Variants in DPYSL2 observed in about 807,000 individuals in gnomAD.
The protein encoded by DPYSL2 is dihydropyrimidinase-related protein 2.
In DPYSL2, 13 loss-of-function variants were observed where a neutral mutation model predicts 69.9. That is an observed-to-expected ratio of 0.19 (90% CI 0.12 to 0.30). The LOEUF (loss-of-function observed/expected upper bound fraction) is 0.30, where lower values mean the gene tolerates loss of function less well. DPYSL2 is among the 10% of genes least tolerant of loss of function. The pLI is 1.00. For synonymous variants in DPYSL2, 326 were observed against 359.1 expected, an observed-to-expected ratio of 0.91 and a Z score of 1.04; for missense variants, 587 against 918.9, an observed-to-expected ratio of 0.64 and a Z score of 4.67.
At position 26,514,678 on chromosome 8, in the gene DPYSL2, A is replaced by G. The variant is rs1585482464; in HGVS notation, c.353A>G (p.Gln118Arg). 8.7e-7 allele frequency: 1 copy of G among 1,143,402 alleles called. No individual in the cohort carries two copies. Among genetic ancestry groups the G allele is most frequent in the Non-Finnish European group, 1.1e-6 (1 of 902,778 alleles). 70.8% of individuals were successfully genotyped at this position (1,143,402 alleles called of 1,614,324 possible). ...GAAGCCCTGCAGAACATCAACGACC[A>G]GGTCGGTGTGGGGGTTGGGGGTGGA... ...GKEALQNINDQSDRLLIKGGK... is the reference protein window; with the variant it reads ...GKEALQNINDRSDRLLIKGGK... Residue 118 changes from glutamine to arginine, a missense_variant and splice_region_variant, in exon 1 of 14, where the codon CAG becomes CGG. This residue lies in a region of DPYSL2 where 85 missense variants were observed against 77.7 expected (regional missense o/e 1.09). Coordinates refer to ENST00000521913, the MANE Select transcript of DPYSL2 (RefSeq NM_001197293.3). This position sits in a 1 kb window ranked among gnomAD's most constrained non-coding sequence, Gnocchi z 8.4.
At position 26,600,512 on chromosome 8, in the gene DPYSL2, C is replaced by G. The variant is rs141126989; in HGVS notation, c.628+16529C>G. Reference sequence around the variant, plus strand: ...TGCGAGTGGGTGTTAGGTGCTGTGTCATTGTGGCTTTAATTTTAGGCTTTA... The same window carrying G: ...TGCGAGTGGGTGTTAGGTGCTGTGTGATTGTGGCTTTAATTTTAGGCTTTA... On this transcript the variant is annotated intron_variant, in intron 3 of 13. Coordinates refer to ENST00000521913, the MANE Select transcript of DPYSL2 (RefSeq NM_001197293.3). Among the ~76,000 whole-genome samples the G allele has an allele frequency of 2.3e-4, 35 of 152,262 alleles. No individual in the cohort carries two copies. The East Asian group carries it at 5.0e-3, about 22-fold the overall frequency.
chr8:26,625,592 C>G (rs1486540220), intron 4 of DPYSL2, among the ~76,000 whole-genome samples: 1 of 152,116 alleles, frequency 6.6e-6, no homozygotes, highest in Non-Finnish European at 1.5e-5. Context: ...CCTAGGGAGG[C>G]AAGAACTCCA....
intron 3 of DPYSL2, among the ~76,000 whole-genome samples, chr8:26,604,657 C>CTT (rs372310488): frequency 2.1e-5 from 3 of 145,672 alleles, no homozygotes; most frequent in Non-Finnish European, 3.0e-5. Flanking sequence ...TCAAGTCTTG[C>CTT]TTTTTTTTTT....
intron 1 of DPYSL2, among the ~76,000 whole-genome samples, chr8:26,555,942 A>G (rs986846392): frequency 4.7e-5 from 6 of 128,648 alleles, no homozygotes; most frequent in Admixed American, 1.0e-4. Context: ...CATATACTAT[A>G]TATACATATA....
intron 1 of DPYSL2, among the ~76,000 whole-genome samples, chr8:26,567,969 G>A (rs944978428): frequency 1.3e-5 from 2 of 152,256 alleles, no homozygotes; most frequent in South Asian, 2.1e-4. Flanking sequence ...CCTGAGCCCC[G>A]AGGGACATAT....
At chr8:26,524,939 G>C (rs1397165013) in intron 1 of DPYSL2, among the ~76,000 whole-genome samples, 1 of 148,298 alleles carries the variant, frequency 6.7e-6, no homozygotes, top group Non-Finnish European at 1.5e-5. Flanking sequence ...CCTATTGTTT[G>C]ACGGTTTTCC....
rs1803101895 is a variant in DPYSL2, at chr8:26,643,670, ACATGGTGGC to A, written c.1283+78_1283+86del. 3.6e-5 allele frequency: 58 copies of A among 1,601,316 alleles called. No individual in the cohort carries two copies. The South Asian group carries it at 6.4e-4, about 18-fold the overall frequency. ...CAGACTGACCTGTTAGGCGAAAACAACATGGTGGCCAAGAGCAGCCATAAAACTGGGAGA... is the reference window on the plus strand; with the variant it reads ...CAGACTGACCTGTTAGGCGAAAACAACAAGAGCAGCCATAAAACTGGGAGA... On this transcript the variant is annotated intron_variant, in intron 9 of 13. Transcript: ENST00000521913. This position sits in a 1 kb window ranked among gnomAD's most constrained non-coding sequence, Gnocchi z 6.5.
intron 3 of DPYSL2, among the ~76,000 whole-genome samples, chr8:26,599,222 G>C (rs1444161751): frequency 6.6e-6 from 1 of 152,164 alleles, no homozygotes; most frequent in African/African-American, 2.4e-5. Flanking sequence ...TTTTGTCTTG[G>C]TTCTGAGAGA....
rs750688878 is a variant in DPYSL2, at chr8:26,626,644, C to G, written c.821C>G (p.Ala274Gly). The G allele has an allele frequency of 6.2e-7, 1 of 1,614,190 alleles. No individual in the cohort carries two copies. The highest frequency in any genetic ancestry group is 2.2e-5 in the East Asian group (1 of 44,890). The change falls in exon 5 of 14, where the codon GCT becomes GGT. Residue 274 changes from alanine to glycine, a missense_variant. Physicochemically the swap from Ala to Gly is moderately conservative, Grantham distance 60. Transcript: ENST00000521913. This position sits in a 1 kb window ranked among gnomAD's most constrained non-coding sequence, Gnocchi z 4.3. ...GTAAATTCCTTCCTCGTGTACATGGCTTTCAAAGATCGCTTCCAGCTAACG... is the reference window on the plus strand; with the variant it reads ...GTAAATTCCTTCCTCGTGTACATGGGTTTCAAAGATCGCTTCCAGCTAACG... ...HGVNSFLVYM[A>G]FKDRFQLTDC...
chr8:26,543,436 TG>T (rs1298371885), intron 1 of DPYSL2, among the ~76,000 whole-genome samples: 1 of 152,162 alleles, frequency 6.6e-6, no homozygotes, highest in Non-Finnish European at 1.5e-5. Context: ...CTTCATTTTT[TG>T]TATCAATTAT....
chr8:26,514,276 C>G lies in DPYSL2; in HGVS notation c.-50C>G. 1.4e-6 allele frequency: 2 copies of G among 1,401,186 alleles called. No individual in the cohort carries two copies. Among genetic ancestry groups the G allele is most frequent in the African/African-American group, 3.0e-5 (2 of 67,344 alleles). The allele number at this position is 1,401,186 out of a possible 1,614,324, so 86.8% of individuals were successfully genotyped here. On this transcript the variant is annotated 5_prime_UTR_variant, in exon 1 of 14. Coordinates refer to ENST00000521913, the MANE Select transcript of DPYSL2 (RefSeq NM_001197293.3). The surrounding 1 kb of genome is among the most constrained non-coding windows in gnomAD (Gnocchi z 8.4). ...GCACACAGCGAGGGAGACTTAGGGA[C>G]TGGCAGACGGACGGACGGACGGCGA...
chr8:26,616,550 G>A (rs900959157), intron 3 of DPYSL2, among the ~76,000 whole-genome samples: 3 of 152,238 alleles, frequency 2.0e-5, no homozygotes, highest in Non-Finnish European at 4.4e-5. Flanking sequence ...TGGTGCTGGA[G>A]AATGAGGCCG....
chr8:26,523,156 T>C (rs547898485), intron 1 of DPYSL2, among the ~76,000 whole-genome samples: 32 of 150,550 alleles, frequency 2.1e-4, no homozygotes, highest in African/African-American at 7.8e-4. Context: ...CATACATGTA[T>C]ATATATATAT....
At chr8:26,559,386 A>C (rs1801038884) in intron 1 of DPYSL2, among the ~76,000 whole-genome samples, 1 of 152,232 alleles carries the variant, frequency 6.6e-6, no homozygotes, top group African/African-American at 2.4e-5. Context: ...CCTTCCACAA[A>C]GATTGTACCA....
At chr8:26,606,356 G>A (rs1225798466) in intron 3 of DPYSL2, among the ~76,000 whole-genome samples, 2 of 152,096 alleles carry the variant, frequency 1.3e-5, no homozygotes, top group Admixed American at 1.3e-4. Context: ...AGAAAATACA[G>A]ATGAAAAGCC....
chr8:26,540,829 C>T (rs746346845), intron 1 of DPYSL2, among the ~76,000 whole-genome samples: 51 of 148,790 alleles, frequency 3.4e-4, no homozygotes, highest in African/African-American at 1.1e-3. Flanking sequence ...TGCTTGAACC[C>T]GGGAGGCAGA....
rs755441240 is a variant in DPYSL2 at position 26,624,154 on chromosome 8, G to T, written c.640G>T (p.Val214Phe). ...GGTTMIIDHV[V>F]PEPGTSLLAA... ...CTGTTTCTTTCTAGTTGACCACGTT[G>T]TTCCTGAGCCTGGGACAAGCCTGCT... Residue 214 changes from valine to phenylalanine, a missense_variant, in exon 4 of 14, where the codon GTT becomes TTT. Val to Phe is a conservative substitution (Grantham distance 50). Transcript: ENST00000521913. The surrounding 1 kb of genome is among the most constrained non-coding windows in gnomAD (Gnocchi z 4.7). 3 of 1,614,192 alleles carry T rather than the reference G, an allele frequency of 1.9e-6. No homozygotes were observed. Among genetic ancestry groups the T allele is most frequent in the Non-Finnish European group, 1.7e-6 (2 of 1,180,022 alleles).
At position 26,590,775 on chromosome 8, in the gene DPYSL2, G is replaced by A. The variant is rs970616498; in HGVS notation, c.628+6792G>A. On this transcript the variant is annotated intron_variant, in intron 3 of 13. Coordinates refer to ENST00000521913, the MANE Select transcript of DPYSL2 (RefSeq NM_001197293.3). The stretch of plus-strand genomic sequence containing the variant: ...GCGGAGGGATCTCCTAATGCCTGGT[G>A]CGGTACAGGGGAAGGATGGCGGAGC... 5.3e-5 allele frequency among the ~76,000 whole-genome samples: 8 copies of A among 152,378 alleles called. No individual in the cohort carries two copies. The South Asian group carries it at 1.7e-3, about 32-fold the overall frequency.
At chr8:26,601,612 T>C (rs546736265) in intron 3 of DPYSL2, among the ~76,000 whole-genome samples, 124 of 151,980 alleles carry the variant, frequency 8.2e-4, no homozygotes, top group African/African-American at 2.9e-3. Context: ...CTCCTGACCT[T>C]GTGATCCGCC....
Sources: gnomAD v4.1 joint callset for allele counts (sites outside exome capture counted in the v4.1 genomes callset) on GRCh38, gnomAD v4.1.1 for gene constraint, gnomAD v4.1.1 regional missense constraint, Gnocchi (gnomAD v3.1) non-coding constraint, MANE v1.5 for transcripts, NCBI Gene and HGNC (gene_info 2026-07-23, HGNC 2026-07-21) for gene names.